The following SELE variants were observed in gnomAD, a reference collection of about 807,000 sequenced individuals.
SELE encodes the protein selectin E.
SELE carries 52 observed loss-of-function variants against 75.8 expected under a neutral mutation model. The ratio of observed to expected loss-of-function variants is 0.69; its 90% CI spans 0.55 to 0.86. The LOEUF is 0.86. Ranked by LOEUF, SELE falls within the 40% of genes least tolerant of loss-of-function variation. The probability of loss-of-function intolerance (pLI) is 0.00; values close to 1 mark genes in which losing one functional copy is unlikely to be tolerated. For missense variants in SELE, 754 were observed against 732.7 expected, an observed-to-expected ratio of 1.03 and a Z score of -0.34; for synonymous variants, 285 against 258.7, an observed-to-expected ratio of 1.10 and a Z score of -0.98.
At chr1:169,728,291 G>C (rs574032156) in intron 7 of SELE, 45 bp from the exon 8 acceptor site, 1 of 1,589,582 alleles carries the variant, frequency 6.3e-7, no homozygotes, top group South Asian at 1.1e-5. Context: ...AGTGGAACTA[G>C]AGAGTACTTG....
chr1:169,730,469 G>A lies in SELE; in HGVS notation c.678C>T (p.Ser226=). The change falls in exon 5 of 14, where the codon TCC becomes TCT. Residue 226 remains serine, a synonymous_variant. Coordinates refer to ENST00000333360, the MANE Select transcript of SELE (RefSeq NM_000450.2). The part of the protein sequence containing the change: ...PSSMETMQCM[S]SGEWSAPIPA... ...GAATAGGAGCACTCCATTCTCCAGA[G>A]GACATACACTGCATGGTCTCCATGC... 1 of 1,614,018 alleles carries A rather than the reference G, an allele frequency of 6.2e-7. No homozygotes were observed. The highest frequency in any genetic ancestry group is 8.5e-7 in the Non-Finnish European group (1 of 1,179,956).
Position 169,723,243 on chromosome 1 carries a change from T to C in SELE, c.*1282A>G, listed in dbSNP as rs1648671193. ...TCCTCTCTTCCAGAGCACCCTAACATACAGAAGAAAACAAATAGGGAATAA... is the reference window on the plus strand; with the variant it reads ...TCCTCTCTTCCAGAGCACCCTAACACACAGAAGAAAACAAATAGGGAATAA... On this transcript the variant is annotated 3_prime_UTR_variant, in exon 14 of 14. Transcript: ENST00000333360. 1 of 152,214 alleles carries C rather than the reference T, an allele frequency of 6.6e-6. No homozygotes were observed. Among genetic ancestry groups the C allele is most frequent in the African/African-American group, 2.4e-5 (1 of 41,444 alleles). The allele number at this position is 152,214 out of a possible 1,614,324, so 9.4% of individuals were successfully genotyped here.
rs1017019178 is a variant in SELE, at chr1:169,724,121, T to C, written c.*404A>G. On this transcript the variant is annotated 3_prime_UTR_variant, in exon 14 of 14. Transcript: ENST00000333360. ...TTATGACAGCAACTGTGTAATCAGCTGTCGAAACACTGTGAAGGGCAAAAG... is the reference window on the plus strand; with the variant it reads ...TTATGACAGCAACTGTGTAATCAGCCGTCGAAACACTGTGAAGGGCAAAAG... 1.3e-5 allele frequency: 2 copies of C among 152,244 alleles called. No homozygotes were observed. Among genetic ancestry groups the C allele is most frequent in the Non-Finnish European group, 2.9e-5 (2 of 68,046 alleles). 9.4% of individuals were successfully genotyped at this position (152,244 alleles called of 1,614,324 possible).
In SELE at chr1:169,727,766, A is replaced by T; in HGVS notation, c.1441T>A (p.Trp481Arg). ...TQLECTSQGQWTEEVPSCQVV... is the reference protein window; with the variant it reads ...TQLECTSQGQRTEEVPSCQVV... ...TGGCAGGAAGGAACCTCTTCTGTCC[A>T]TTGTCCCTGAGATGTGCACTCAAGT... The change falls in exon 9 of 14, where the codon TGG becomes AGG. Residue 481 changes from tryptophan to arginine, a missense_variant. Trp to Arg is a moderately radical substitution (Grantham distance 101). Coordinates refer to ENST00000333360, the MANE Select transcript of SELE (RefSeq NM_000450.2). 1 of 1,614,138 alleles carries T rather than the reference A, an allele frequency of 6.2e-7. No individual in the cohort carries two copies. The highest frequency in any genetic ancestry group is 8.5e-7 in the Non-Finnish European group (1 of 1,179,984).
Position 169,724,338 on chromosome 1 carries a change from T to G in SELE, c.*187A>C, listed in dbSNP as rs1168586591. Reference sequence around the variant, plus strand: ...AAAGGGAACACTGAGTCTTTTCAGTTGAAGGCCGTCCTTGCCTGCTGGACT... The same window carrying G: ...AAAGGGAACACTGAGTCTTTTCAGTGGAAGGCCGTCCTTGCCTGCTGGACT... On this transcript the variant is annotated 3_prime_UTR_variant, in exon 14 of 14. Coordinates refer to ENST00000333360, the MANE Select transcript of SELE (RefSeq NM_000450.2). 6.6e-6 allele frequency: 1 copy of G among 152,210 alleles called. No individual in the cohort carries two copies. The highest frequency in any genetic ancestry group is 1.5e-5 in the Non-Finnish European group (1 of 68,042). 9.4% of individuals were successfully genotyped at this position (152,210 alleles called of 1,614,324 possible).
chr1:169,727,567 AC>A, intron 9 of SELE, 42 bp from the exon 10 acceptor site: 1 of 1,584,426 alleles, frequency 6.3e-7, no homozygotes. Context: ...AGAAAAATCT[AC>A]TGGAAAACTT....
intron 2 of SELE, 141 bp downstream of exon 2, chr1:169,733,435 A>C: frequency 2.5e-6 from 2 of 806,882 alleles, no homozygotes; most frequent in Non-Finnish European, 4.2e-6. Context: ...CCCCAAGCCC[A>C]GGGAAGAACA....
Position 169,727,924 on chromosome 1 carries a change from A to T in SELE, c.1283T>A (p.Val428Glu), listed in dbSNP as rs1260744315. The T allele has an allele frequency of 8.1e-6, 13 of 1,611,402 alleles. No homozygotes were observed. Among genetic ancestry groups the T allele is most frequent in the Admixed American group, 3.3e-5 (2 of 59,878 alleles). ...GGGCTGGTGGACAGCATCGCATCTCACAGCTGGAACACACGAGAGAGCACT... is the reference window on the plus strand; with the variant it reads ...GGGCTGGTGGACAGCATCGCATCTCTCAGCTGGAACACACGAGAGAGCACT... ...WDNEKPTCEAVRCDAVHQPPK... is the reference protein window; with the variant it reads ...WDNEKPTCEAERCDAVHQPPK... The change falls in exon 9 of 14, where the codon GTG (valine) becomes GAG (glutamate). Residue 428 changes from valine to glutamate, a missense_variant. By Grantham distance (121) the Val-to-Glu change is moderately radical. Transcript: ENST00000333360.
chr1:169,724,576 T>C (rs1648699695), intron 13 of SELE, 67 bp from the exon 14 acceptor site: 1 of 152,206 alleles, frequency 6.6e-6, no homozygotes, highest in South Asian at 2.1e-4. Context: ...GACAACAAAA[T>C]GTACCTTCTA....
Position 169,728,068 on chromosome 1 carries a change from G to T in SELE, c.1269C>A (p.Pro423=). 6.2e-7 allele frequency: 1 copy of T among 1,611,824 alleles called. No homozygotes were observed. The highest frequency in any genetic ancestry group is 1.3e-5 in the African/African-American group (1 of 74,826). Residue 423 remains proline, a synonymous_variant, in exon 8 of 14, where the codon CCC becomes CCA. Transcript: ENST00000333360. ...AAACAAAGACTGTACCTTCACATGT[G>T]GGCTTCTCGTTGTCCCACTCCCCTG... ...GPTGEWDNEK[P]TCEAVRCDAV...
rs1480374803 is a variant in SELE at position 169,728,192 on chromosome 1, G to T, written c.1145C>A (p.Pro382His). ...ATAACGGAAACTGCCAGAAGCACTAGGAAGACAATTCATGTAGCCTCGCTC... is the reference window on the plus strand; with the variant it reads ...ATAACGGAAACTGCCAGAAGCACTATGAAGACAATTCATGTAGCCTCGCTC... ...NPERGYMNCL[P>H]SASGSFRYGS... The change falls in exon 8 of 14, where the codon CCT (proline) becomes CAT (histidine). Residue 382 changes from proline to histidine, a missense_variant. Transcript: ENST00000333360. 1 of 1,614,166 alleles carries T rather than the reference G, an allele frequency of 6.2e-7. No individual in the cohort carries two copies. Among genetic ancestry groups the T allele is most frequent in the South Asian group, 1.1e-5 (1 of 91,080 alleles).
Position 169,732,633 on chromosome 1 carries a change from GCTT to G in SELE, c.400_402del (p.Lys134del), listed in dbSNP as rs763510320. On this transcript the variant is annotated inframe_deletion, in exon 3 of 14. Coordinates refer to ENST00000333360, the MANE Select transcript of SELE (RefSeq NM_000450.2). ...TCCCTACCTGTGTAGCATAGGGCAA[GCTT>G]CTTCTTGCTGCACCTCTCATCATTC... is the stretch of plus-strand genomic sequence containing the variant. 8 of 1,602,770 alleles carry G rather than the reference GCTT, an allele frequency of 5.0e-6. No homozygotes were observed. In the Admixed American group the frequency reaches 1.0e-4, roughly 21 times the overall value.
chr1:169,732,480 G>T, intron 3 of SELE, 135 bp downstream of exon 3: 1 of 1,074,024 alleles, frequency 9.3e-7, no homozygotes. Context: ...CAGCAAAAGA[G>T]AGAAACTTTA....
At chr1:169,727,693 T>C in intron 9 of SELE, 46 bp downstream of exon 9, 1 of 1,580,596 alleles carries the variant, frequency 6.3e-7, no homozygotes, top group African/African-American at 1.4e-5. Context: ...AGAAACTTTA[T>C]GAAGTATTTG....
chr1:169,728,363 AT>A, intron 7 of SELE, 117 bp from the exon 8 acceptor site: 1 of 958,544 alleles, frequency 1.0e-6, no homozygotes. Flanking sequence ...ATTCTTTATA[AT>A]TCCCTGGACA....
rs369541325 is a variant in SELE, at chr1:169,733,576, C to A, written c.37G>T (p.Val13Leu). Residue 13 changes from valine (V) to leucine (L), a missense_variant and splice_region_variant, in exon 2 of 14, where the codon GTG (valine) becomes TTG (leucine). Physicochemically the swap from Val to Leu is conservative, Grantham distance 32 (BLOSUM62 1). Coordinates refer to ENST00000333360, the MANE Select transcript of SELE (RefSeq NM_000450.2). The stretch of plus-strand genomic sequence containing the variant: ...TCTTGGTCTAATGGCACTGACTTAC[C>A]CAAAGTGAGAGCTGAGAGAAACTGT... The part of the protein sequence containing the change: ...ASQFLSALTL[V>L]LLIKESGAWS... 6 of 1,613,612 alleles carry A rather than the reference C, an allele frequency of 3.7e-6. No individual in the cohort carries two copies. The highest frequency in any genetic ancestry group is 1.3e-5 in the African/African-American group (1 of 74,876).
At position 169,729,624 on chromosome 1, in the gene SELE, A is replaced by G. The variant is rs761156548; in HGVS notation, c.765T>C (p.Cys255=). The G allele has an allele frequency of 8.7e-6, 14 of 1,614,142 alleles. No individual in the cohort carries two copies. The South Asian group carries it at 1.1e-4, about 13-fold the overall frequency. Residue 255 remains cysteine, a synonymous_variant, in exon 6 of 14, where the codon TGT becomes TGC. Coordinates refer to ENST00000333360, the MANE Select transcript of SELE (RefSeq NM_000450.2). ...VTNPANGFVE[C]FQNPGSFPWN... ...ATGGGAAGCTTCCAGGGTTTTGGAA[A>G]CATTCCACGAACCCATTGGCTGGAT...
intron 7 of SELE, 102 bp downstream of exon 7, chr1:169,729,084 T>G (rs1441805414): frequency 2.9e-6 from 3 of 1,050,034 alleles, no homozygotes; most frequent in Non-Finnish European, 4.1e-6. Context: ...TCATCAAATC[T>G]GATTTCTATA....
rs1345384864 is a variant in SELE at position 169,730,369 on chromosome 1, C to A, written c.715+63G>T. ...GAAGTTTTGAAAATGTAAGTTGAAT[C>A]AAAAAACAGAAGCAATGAGGGATGA... On this transcript the variant is annotated intron_variant, in intron 5 of 13. Transcript: ENST00000333360. 9 of 1,351,066 alleles carry A rather than the reference C, an allele frequency of 6.7e-6. No individual in the cohort carries two copies. In the South Asian group the frequency reaches 8.9e-5, roughly 13 times the overall value. 83.7% of individuals were successfully genotyped at this position (1,351,066 alleles called of 1,614,324 possible). A position where few individuals can be genotyped will look rare whatever the true frequency, so the allele number is the denominator to read the frequency against.
Sources: allele counts gnomAD v4.1 joint callset, GRCh38; gene constraint gnomAD v4.1.1; transcripts MANE v1.5; gene names NCBI Gene and HGNC (gene_info 2026-07-23, HGNC 2026-07-21).